Variants in SPEF2 observed in about 807,000 individuals in gnomAD.
SPEF2 encodes sperm flagella and cilia-associated protein 2.
In SPEF2, 187 loss-of-function variants were observed where a neutral mutation model predicts 224.6. The observed-to-expected ratio is 0.83, with a 90% CI of 0.74 to 0.94. The LOEUF is 0.94. Among genes scored for constraint, SPEF2 ranks in the 40% least tolerant of loss-of-function variants. The probability of loss-of-function intolerance (pLI) is 0.00; values close to 1 mark genes in which losing one functional copy is unlikely to be tolerated. For synonymous variants in SPEF2, 715 were observed against 707.3 expected, an observed-to-expected ratio of 1.01 and a Z score of -0.17; for missense variants, 2,170 against 2,135.6, an observed-to-expected ratio of 1.02 and a Z score of -0.32.
rs753495986 is a variant in SPEF2 at position 35,785,643 on chromosome 5, C to A, written c.4447+6297C>A. Among the ~76,000 whole-genome samples, 4 of 151,880 alleles carry A rather than the reference C, an allele frequency of 2.6e-5. 1 individual carries two copies. Among genetic ancestry groups the A allele is most frequent in the Non-Finnish European group, 2.9e-5 (2 of 67,948 alleles). On this transcript the variant is annotated intron_variant, in intron 30 of 36. Transcript: ENST00000356031. ...CACTACAGCCTCAGCACAACCCCCC[C>A]CCACCTCAGCCTTCCAAGTAGCTGA...
intron 30 of SPEF2, among the ~76,000 whole-genome samples, chr5:35,780,464 C>T (rs2149802393): frequency 6.6e-6 from 1 of 152,260 alleles, no homozygotes; most frequent in African/African-American, 2.4e-5. Context: ...AAAGCCCACA[C>T]TTCAGCTGTG....
At chr5:35,649,497 A>G in intron 6 of SPEF2, 72 bp downstream of exon 6, 3 of 1,194,406 alleles carry the variant, frequency 2.5e-6, no homozygotes, top group Non-Finnish European at 3.6e-6. Flanking sequence ...ATATTTAGAA[A>G]TAGTTTATCT....
chr5:35,700,819 T>C (rs1251451937), intron 16 of SPEF2, 67 bp downstream of exon 16: 1 of 1,481,822 alleles, frequency 6.7e-7, no homozygotes, highest in Non-Finnish European at 9.3e-7. Flanking sequence ...AATCAGTGAA[T>C]ACTCCCATTT....
At chr5:35,800,353 T>C (rs1303325433) in intron 34 of SPEF2, among the ~76,000 whole-genome samples, 3 of 152,212 alleles carry the variant, frequency 2.0e-5, no homozygotes, top group East Asian at 1.9e-4. Flanking sequence ...ATTTTTGTGG[T>C]AAAATCAAGA....
chr5:35,626,713 T>C (rs770753776), intron 1 of SPEF2, among the ~76,000 whole-genome samples: 7 of 152,214 alleles, frequency 4.6e-5, no homozygotes, highest in Non-Finnish European at 8.8e-5. Flanking sequence ...ACTACCTTTA[T>C]TATTGTATTG....
chr5:35,715,645 C>T (rs950128274), intron 20 of SPEF2, among the ~76,000 whole-genome samples: 2 of 152,008 alleles, frequency 1.3e-5, no homozygotes, highest in South Asian at 2.1e-4. Context: ...CAGAAAAAAA[C>T]TCGTGGCTCA....
intron 10 of SPEF2, among the ~76,000 whole-genome samples, chr5:35,674,082 G>A (rs1246246162): frequency 1.3e-5 from 2 of 152,152 alleles, no homozygotes; most frequent in Admixed American, 6.5e-5. Flanking sequence ...CATGTGAATC[G>A]ATCACTTTTT....
chr5:35,646,751 C>A lies in SPEF2; in HGVS notation c.670C>A (p.Arg224Ser). The change falls in exon 5 of 37, where the codon CGT (arginine) becomes AGT (serine). Residue 224 changes from arginine to serine, a missense_variant. Physicochemically the swap from Arg to Ser is moderately radical, Grantham distance 110. Coordinates refer to ENST00000356031, the MANE Select transcript of SPEF2 (RefSeq NM_024867.4). ...ACAGATTCCTAAACCTGCATCAAATCGTACTTTGAAAGCACTCGAGGCCCA... is the reference window on the plus strand; with the variant it reads ...ACAGATTCCTAAACCTGCATCAAATAGTACTTTGAAAGCACTCGAGGCCCA... Reference protein sequence around the residue: ...IIQIPKPASNRTLKALEAQKM... With the variant: ...IIQIPKPASNSTLKALEAQKM... 1.2e-6 allele frequency: 2 copies of A among 1,613,726 alleles called. No homozygotes were observed. Among genetic ancestry groups the A allele is most frequent in the Non-Finnish European group, 1.7e-6 (2 of 1,179,892 alleles).
chr5:35,736,137 C>T lies in SPEF2; in HGVS notation c.3064-3782C>T, dbSNP rs112563609. ...TTTGTAGGAGATAATACCAACAATG[C>T]GGTCCATCCTTAAGGAAATGAGGGT... is the stretch of plus-strand genomic sequence containing the variant. On this transcript the variant is annotated intron_variant, in intron 21 of 36. Transcript: ENST00000356031. Among the ~76,000 whole-genome samples, 610 of 152,288 alleles carry T rather than the reference C, an allele frequency of 4.0e-3. 11 individuals carry two copies. The highest frequency in any genetic ancestry group is 0.014 in the African/African-American group (584 of 41,548).
At chr5:35,775,906 C>T (rs1753555731) in intron 28 of SPEF2, among the ~76,000 whole-genome samples, 1 of 152,124 alleles carries the variant, frequency 6.6e-6, no homozygotes, top group Non-Finnish European at 1.5e-5. Context: ...ATGGCAATGC[C>T]ACCCCAGGTT....
At chr5:35,692,838 G>T in intron 12 of SPEF2, 114 bp downstream of exon 12, 1 of 919,316 alleles carries the variant, frequency 1.1e-6, no homozygotes, top group Non-Finnish European at 1.5e-6. Context: ...GACCCAGAGA[G>T]TAAAAGTTTA....
At chr5:35,769,993 G>C (rs7729528) in intron 26 of SPEF2, among the ~76,000 whole-genome samples, 569 of 37,520 alleles carry the variant, frequency 0.015, 3 homozygotes, top group African/African-American at 0.071. Flanking sequence ...TCCATAATGT[G>C]TGTGTGTGTG....
At chr5:35,652,276 G>A (rs986628707) in intron 6 of SPEF2, among the ~76,000 whole-genome samples, 2 of 152,048 alleles carry the variant, frequency 1.3e-5, no homozygotes, top group African/African-American at 4.8e-5. Flanking sequence ...GAAGCAATTT[G>A]TTAAGTATAT....
chr5:35,619,404 C>T (rs1332161705), intron 1 of SPEF2, among the ~76,000 whole-genome samples: 2 of 152,104 alleles, frequency 1.3e-5, no homozygotes, highest in East Asian at 1.9e-4. Context: ...ACACCCGGGC[C>T]GGGTGCGGTG....
chr5:35,751,066 T>TACGTATATATATATACCTATATATATAC (rs70973059), intron 23 of SPEF2, among the ~76,000 whole-genome samples: 1 of 32,526 alleles, frequency 3.1e-5, no homozygotes, highest in African/African-American at 1.0e-4. Flanking sequence ...CGTATATATA[T>TACGTATATATATATACCTATATATATAC]GTATATATAT....
chr5:35,684,791 T>C (rs1753347503), intron 10 of SPEF2, among the ~76,000 whole-genome samples: 1 of 152,214 alleles, frequency 6.6e-6, no homozygotes, highest in Admixed American at 6.5e-5. Flanking sequence ...GACTGTTGCC[T>C]TTAAAAAGGG....
intron 30 of SPEF2, among the ~76,000 whole-genome samples, chr5:35,783,002 G>A (rs1269208890): frequency 1.3e-5 from 2 of 152,118 alleles, no homozygotes; most frequent in African/African-American, 4.8e-5. Flanking sequence ...GATTACACTT[G>A]CATTTTTCCT....
chr5:35,763,692 T>C lies in SPEF2; in HGVS notation c.3791T>C (p.Val1264Ala), dbSNP rs753645758. ...ACCTGGCAGCAGGCTTCTTTAGCAGTATCTCACATGGTAAGCAGTGCTCGT... is the reference window on the plus strand; with the variant it reads ...ACCTGGCAGCAGGCTTCTTTAGCAGCATCTCACATGGTAAGCAGTGCTCGT... The part of the protein sequence containing the change: ...MDTWQQASLA[V>A]SHMVAAEIHQ... Residue 1264 changes from valine (V) to alanine (A), a missense_variant, in exon 26 of 37, where the codon GTA (valine) becomes GCA (alanine). Transcript: ENST00000356031. The C allele has an allele frequency of 6.2e-6, 10 of 1,610,160 alleles. No individual in the cohort carries two copies. The East Asian group carries it at 1.1e-4, about 18-fold the overall frequency.
At position 35,747,591 on chromosome 5, in the gene SPEF2, G is replaced by A. The variant is rs539369595; in HGVS notation, c.3331-6033G>A. Among the ~76,000 whole-genome samples the A allele has an allele frequency of 4.6e-5, 7 of 152,172 alleles. No homozygotes were observed. The South Asian group carries it at 1.2e-3, about 27-fold the overall frequency. ...ACACCAGTTAAAAGAGACAAAGAGG[G>A]ACATTATATAACGGTAAAAGGCCTT... On this transcript the variant is annotated intron_variant, in intron 23 of 36. Transcript: ENST00000356031.
Sources: allele counts gnomAD v4.1 joint callset (sites outside exome capture counted in the v4.1 genomes callset), GRCh38; gene constraint gnomAD v4.1.1; transcripts MANE v1.5; gene names NCBI Gene and HGNC (gene_info 2026-07-23, HGNC 2026-07-21).